SRA1: variants seen among roughly 807,000 people sequenced by gnomAD.
SRA1 encodes the protein lncRNA SRA.
A neutral mutation model predicts 24.3 loss-of-function variants in SRA1; 25 were observed. That is an observed-to-expected ratio of 1.03 (90% confidence interval 0.75 to 1.43). The LOEUF is 1.43. SRA1 is among the 40% of genes most tolerant of loss of function. The pLI is 0.00. For missense variants in SRA1, 303 were observed against 286.6 expected, an observed-to-expected ratio of 1.06 and a Z score of -0.41; for synonymous variants, 104 against 109.5, an observed-to-expected ratio of 0.95 and a Z score of 0.31.
At position 140,557,416 on chromosome 5, in the gene SRA1, G is replaced by T. The variant is rs764850407; in HGVS notation, c.25+12C>A. The T allele has an allele frequency of 1.3e-6, 2 of 1,580,700 alleles. No homozygotes were observed. The highest frequency in any genetic ancestry group is 1.8e-5 in the Admixed American group (1 of 54,724). ...CGACAACCTAGTGCCCTAGCCCGCC[G>T]GCTGCGCTCACCCGGCTTCACGTAC... On this transcript the variant is annotated intron_variant, in intron 1 of 4. Transcript: ENST00000336283.
Position 140,552,145 on chromosome 5 carries a change from C to A in SRA1, c.191G>T (p.Gly64Val). The change falls in exon 3 of 5, where the codon GGG (glycine) becomes GTG (valine). Residue 64 changes from glycine (G) to valine (V), a missense_variant. Coordinates refer to ENST00000336283, the MANE Select transcript of SRA1 (RefSeq NM_001035235.4). ...SETSPGPPPM[G>V]PPPPSSKAPR... The stretch of plus-strand genomic sequence containing the variant: ...AGCCTTACTTGAAGGAGGTGGAGGC[C>A]CCATTGGGGGAGGCCCAGGAGAAGT... The A allele has an allele frequency of 6.2e-7, 1 of 1,610,196 alleles. No individual in the cohort carries two copies. The highest frequency in any genetic ancestry group is 8.5e-7 in the Non-Finnish European group (1 of 1,178,288).
At position 140,557,400 on chromosome 5, in the gene SRA1, A is replaced by G. The variant is rs548631536; in HGVS notation, c.25+28T>C. 31 of 1,591,406 alleles carry G rather than the reference A, an allele frequency of 1.9e-5. 1 individual carries two copies. The highest frequency in any genetic ancestry group is 3.3e-4 in the Middle Eastern group (2 of 6,060). ...CCAGCCTAGGCCGGGGCGACAACCT[A>G]GTGCCCTAGCCCGCCGGCTGCGCTC... On this transcript the variant is annotated intron_variant, in intron 1 of 4. Coordinates refer to ENST00000336283, the MANE Select transcript of SRA1 (RefSeq NM_001035235.4).
rs760956606 is a variant in SRA1, at chr5:140,552,080, C to A, written c.256G>T (p.Val86Leu). 1.2e-6 allele frequency: 2 copies of A among 1,614,050 alleles called. No individual in the cohort carries two copies. Among genetic ancestry groups the A allele is most frequent in the Middle Eastern group, 1.6e-4 (1 of 6,062 alleles). The change falls in exon 3 of 5, where the codon GTG becomes TTG. Residue 86 changes from valine to leucine, a missense_variant. Transcript: ENST00000336283. ...TCGACTGGGAAACTTGTGGGCTCCA[C>A]GCCAGAGGCAGGACCACTCCCCACA... ...PPVGSGPASG[V>L]EPTSFPVESE...
chr5:140,550,542 A>T lies in SRA1; in HGVS notation c.*158T>A. Reference sequence around the variant, plus strand: ...TGTTTTTATTGAAATGCATGTTATGAGTAACACATGAACTCCCTCTGGCCC... The same window carrying T: ...TGTTTTTATTGAAATGCATGTTATGTGTAACACATGAACTCCCTCTGGCCC... On this transcript the variant is annotated 3_prime_UTR_variant, in exon 5 of 5. Coordinates refer to ENST00000336283, the MANE Select transcript of SRA1 (RefSeq NM_001035235.4). 1.5e-6 allele frequency: 1 copy of T among 679,464 alleles called. No individual in the cohort carries two copies. Among genetic ancestry groups the T allele is most frequent in the Non-Finnish European group, 2.6e-6 (1 of 381,234 alleles). 42.1% of individuals were successfully genotyped at this position (679,464 alleles called of 1,614,324 possible).
Position 140,550,618 on chromosome 5 carries a change from G to A in SRA1, c.*82C>T. Reference sequence around the variant, plus strand: ...GGGTCAGGCCCAGTGGGACAGTCTTGGTGGTGGTAAGAAGGGAGCCAAGTG... The same window carrying A: ...GGGTCAGGCCCAGTGGGACAGTCTTAGTGGTGGTAAGAAGGGAGCCAAGTG... On this transcript the variant is annotated 3_prime_UTR_variant, in exon 5 of 5. Coordinates refer to ENST00000336283, the MANE Select transcript of SRA1 (RefSeq NM_001035235.4). 1 of 1,380,978 alleles carries A rather than the reference G, an allele frequency of 7.2e-7. No individual in the cohort carries two copies. The highest frequency in any genetic ancestry group is 2.3e-5 in the East Asian group (1 of 43,812). The allele number at this position is 1,380,978 out of a possible 1,614,324, so 85.5% of individuals were successfully genotyped here. A position where few individuals can be genotyped will look rare whatever the true frequency, so the allele number is the denominator to read the frequency against.
In SRA1 at chr5:140,550,976, G is replaced by A. The variant is rs1308278786; in HGVS notation, c.464-65C>T. On this transcript the variant is annotated intron_variant, in intron 4 of 4. Coordinates refer to ENST00000336283, the MANE Select transcript of SRA1 (RefSeq NM_001035235.4). The stretch of plus-strand genomic sequence containing the variant: ...AAGAGCTTCCATGCCTCCCCTCCCA[G>A]TCAATCAAAATCTCAGCACCTGCTC... 1.3e-5 allele frequency: 21 copies of A among 1,579,694 alleles called. No homozygotes were observed. The South Asian group carries it at 2.0e-4, about 15-fold the overall frequency.
intron 2 of SRA1, among the ~76,000 whole-genome samples, chr5:140,552,847 C>T (rs1470367744): frequency 2.0e-5 from 3 of 152,020 alleles, no homozygotes; most frequent in African/African-American, 7.3e-5. Context: ...TGGCACACAC[C>T]TATAGTCCTG....
At chr5:140,557,530 A>G (rs1272589864), upstream of SRA1, 15 of 1,495,120 alleles carry the variant, frequency 1.0e-5, no homozygotes, top group East Asian at 4.9e-5. Flanking sequence ...AGACACGTCC[A>G]GGGCCAGGCG....
At position 140,552,552 on chromosome 5, in the gene SRA1, C is replaced by G. The variant is rs867038551; in HGVS notation, c.152-368G>C. Reference sequence around the variant, plus strand: ...CCTGTAATCCCAGCTACTCAGGAGGCTGAGGCAGGAGAATCGCTTGAACCC... The same window carrying G: ...CCTGTAATCCCAGCTACTCAGGAGGGTGAGGCAGGAGAATCGCTTGAACCC... On this transcript the variant is annotated intron_variant, in intron 2 of 4. Coordinates refer to ENST00000336283, the MANE Select transcript of SRA1 (RefSeq NM_001035235.4). 5.3e-5 allele frequency among the ~76,000 whole-genome samples: 8 copies of G among 151,832 alleles called. No individual in the cohort carries two copies. In the Middle Eastern group the frequency reaches 0.014, roughly 258 times the overall value.
intron 2 of SRA1, 148 bp downstream of exon 2, chr5:140,556,999 C>T: frequency 2.9e-6 from 2 of 685,138 alleles, no homozygotes; most frequent in South Asian, 1.9e-5. Flanking sequence ...CTCGGAAAAG[C>T]ACCTGCTCTG....
At position 140,550,862 on chromosome 5, in the gene SRA1, G is replaced by A; in HGVS notation, c.513C>T (p.Leu171=). 1.2e-6 allele frequency: 2 copies of A among 1,614,154 alleles called. No homozygotes were observed. ...WDAADDIHRS[L]MVDHVTEVSQ... ...TGACCTCAGTCACATGGTCAACCAT[G>A]AGGGAGCGGTGGATGTCATCTGCTG... The change falls in exon 5 of 5, where the codon CTC becomes CTT. Residue 171 remains leucine (L), a synonymous_variant. Transcript: ENST00000336283.
chr5:140,553,223 C>T (rs1398587320), intron 2 of SRA1, among the ~76,000 whole-genome samples: 2 of 152,002 alleles, frequency 1.3e-5, no homozygotes, highest in African/African-American at 4.8e-5. Flanking sequence ...TGCCTCTAAT[C>T]CCAGCACACT....
At chr5:140,553,233 T>A (rs746460533) in intron 2 of SRA1, among the ~76,000 whole-genome samples, 1 of 150,354 alleles carries the variant, frequency 6.7e-6, no homozygotes, top group African/African-American at 2.5e-5. Context: ...CCCAGCACAC[T>A]GGGAGGCAGA....
Position 140,552,065 on chromosome 5 carries a change from A to C in SRA1, c.271T>G (p.Phe91Val). ...GPASGVEPTS[F>V]PVESEAVMED... ...ATCACAGCCTCAGACTCGACTGGGA[A>C]ACTTGTGGGCTCCACGCCAGAGGCA... Residue 91 changes from phenylalanine (F) to valine (V), a missense_variant, in exon 3 of 5, where the codon TTC (phenylalanine) becomes GTC (valine). Transcript: ENST00000336283. 2 of 1,614,038 alleles carry C rather than the reference A, an allele frequency of 1.2e-6. No homozygotes were observed. Among genetic ancestry groups the C allele is most frequent in the African/African-American group, 2.7e-5 (2 of 75,014 alleles).
chr5:140,551,052 C>A lies in SRA1; in HGVS notation c.463+9G>T, dbSNP rs1475007582. The A allele has an allele frequency of 6.2e-7, 1 of 1,609,720 alleles. No individual in the cohort carries two copies. Among genetic ancestry groups the A allele is most frequent in the African/African-American group, 1.3e-5 (1 of 74,838 alleles). On this transcript the variant is annotated intron_variant, in intron 4 of 4. Transcript: ENST00000336283. ...GGGATTTAGGCTATACCAAAGAACCCACCCATACCTTGCACCAGTAGAGCC... is the reference window on the plus strand; with the variant it reads ...GGGATTTAGGCTATACCAAAGAACCAACCCATACCTTGCACCAGTAGAGCC...
rs545611681 is a variant in SRA1 at position 140,550,630 on chromosome 5, A to C, written c.*70T>G. The C allele has an allele frequency of 6.7e-7, 1 of 1,490,296 alleles. No individual in the cohort carries two copies. The highest frequency in any genetic ancestry group is 2.3e-5 in the East Asian group (1 of 44,264). 92.3% of individuals were successfully genotyped at this position (1,490,296 alleles called of 1,614,324 possible). The stretch of plus-strand genomic sequence containing the variant: ...GTGGGACAGTCTTGGTGGTGGTAAG[A>C]AGGGAGCCAAGTGACAGAAGGTCTC... On this transcript the variant is annotated 3_prime_UTR_variant, in exon 5 of 5. Coordinates refer to ENST00000336283, the MANE Select transcript of SRA1 (RefSeq NM_001035235.4).
intron 2 of SRA1, among the ~76,000 whole-genome samples, chr5:140,554,622 C>A (rs1375769710): frequency 6.6e-6 from 1 of 151,952 alleles, no homozygotes. Context: ...TCAGCTCCCC[C>A]TCTCTACTGA....
intron 3 of SRA1, 49 bp from the exon 4 acceptor site, chr5:140,551,218 GGGA>G (rs887347609): frequency 1.4e-6 from 2 of 1,430,032 alleles, no homozygotes; most frequent in Non-Finnish European, 2.0e-6. Flanking sequence ...GCCCAATGAG[GGGA>G]GGAGAGGGGA....
Position 140,557,415 on chromosome 5 carries a change from C to A in SRA1, c.25+13G>T. On this transcript the variant is annotated intron_variant, in intron 1 of 4. Coordinates refer to ENST00000336283, the MANE Select transcript of SRA1 (RefSeq NM_001035235.4). The stretch of plus-strand genomic sequence containing the variant: ...GCGACAACCTAGTGCCCTAGCCCGC[C>A]GGCTGCGCTCACCCGGCTTCACGTA... The A allele has an allele frequency of 1.3e-6, 2 of 1,580,650 alleles. No individual in the cohort carries two copies. Among genetic ancestry groups the A allele is most frequent in the Non-Finnish European group, 8.6e-7 (1 of 1,165,438 alleles).
Sources: gnomAD v4.1 joint callset for allele counts (sites outside exome capture counted in the v4.1 genomes callset) on GRCh38, gnomAD v4.1.1 for gene constraint, MANE v1.5 for transcripts, NCBI Gene and HGNC (gene_info 2026-07-23, HGNC 2026-07-21) for gene names.